MAP7: variants seen among roughly 807,000 people sequenced by gnomAD.
MAP7 encodes ensconsin.
MAP7 carries 52 observed loss-of-function variants against 94.8 expected under a neutral mutation model. The ratio of observed to expected loss-of-function variants is 0.55; its 90% CI spans 0.44 to 0.69. MAP7 has a LOEUF of 0.69. MAP7 is among the 30% of genes least tolerant of loss of function. The pLI is 0.00. For synonymous variants in MAP7, 350 were observed against 357.0 expected, an observed-to-expected ratio of 0.98 and a Z score of 0.22; for missense variants, 940 against 964.6, an observed-to-expected ratio of 0.97 and a Z score of 0.34.
At chr6:136,415,837 C>T (rs1235172115) in intron 2 of MAP7, among the ~76,000 whole-genome samples, 3 of 152,188 alleles carry the variant, frequency 2.0e-5, no homozygotes, top group Non-Finnish European at 4.4e-5. Context: ...GAAATAATTA[C>T]TATCTCTCTG....
intron 6 of MAP7, among the ~76,000 whole-genome samples, chr6:136,381,822 C>A (rs555636325): frequency 4.7e-5 from 7 of 149,902 alleles, no homozygotes; most frequent in African/African-American, 1.7e-4. Context: ...TATTGAACTT[C>A]CCTTAACGCT....
intron 1 of MAP7, among the ~76,000 whole-genome samples, chr6:136,455,724 A>AT (rs1802671624): frequency 6.6e-6 from 1 of 152,164 alleles, no homozygotes; most frequent in Admixed American, 6.5e-5. Context: ...CAACCAACAA[A>AT]TGGGTCTGAA....
chr6:136,375,590 T>C (rs1775870710), intron 7 of MAP7, among the ~76,000 whole-genome samples: 1 of 152,110 alleles, frequency 6.6e-6, no homozygotes, highest in Non-Finnish European at 1.5e-5. Context: ...GAAAATGTGG[T>C]TTTGACAAGA....
chr6:136,493,509 C>T (rs890341023), intron 1 of MAP7, among the ~76,000 whole-genome samples: 7 of 152,062 alleles, frequency 4.6e-5, no homozygotes, highest in African/African-American at 1.7e-4. Flanking sequence ...CCTGGACTTC[C>T]TGGGCTCAAG....
intron 1 of MAP7, among the ~76,000 whole-genome samples, chr6:136,528,512 T>C (rs1168353629): frequency 6.6e-6 from 1 of 152,048 alleles, no homozygotes; most frequent in Non-Finnish European, 1.5e-5. Flanking sequence ...AGGTCAGTAT[T>C]TACAATAGCA....
intron 1 of MAP7, among the ~76,000 whole-genome samples, chr6:136,460,505 GT>G (rs1187705555): frequency 1.1e-4 from 17 of 152,108 alleles, no homozygotes; most frequent in Non-Finnish European, 2.2e-4. Context: ...GCTGAAACTG[GT>G]TTATCTTCCT....
At chr6:136,509,307 A>T (rs1033477477) in intron 1 of MAP7, among the ~76,000 whole-genome samples, 2 of 152,198 alleles carry the variant, frequency 1.3e-5, no homozygotes, top group Admixed American at 6.5e-5. Flanking sequence ...GAAGTTCCTC[A>T]TTCTTCTCTT....
chr6:136,548,964 A>C (rs1224547095), intron 1 of MAP7, among the ~76,000 whole-genome samples: 1 of 152,216 alleles, frequency 6.6e-6, no homozygotes, highest in Non-Finnish European at 1.5e-5. Context: ...ACCCCAAAAC[A>C]AAATAATGAT....
At chr6:136,458,201 T>C (rs1803993497) in intron 1 of MAP7, among the ~76,000 whole-genome samples, 1 of 152,098 alleles carries the variant, frequency 6.6e-6, no homozygotes, top group Non-Finnish European at 1.5e-5. Context: ...AAAAATTACT[T>C]AGGAATAAAC....
chr6:136,477,417 T>C (rs1223725168), intron 1 of MAP7, among the ~76,000 whole-genome samples: 1 of 152,192 alleles, frequency 6.6e-6, no homozygotes, highest in African/African-American at 2.4e-5. Context: ...ATAATCTTGA[T>C]TTTCATTTGT....
intron 1 of MAP7, among the ~76,000 whole-genome samples, chr6:136,459,971 A>G (rs1016326948): frequency 6.6e-6 from 1 of 152,188 alleles, no homozygotes; most frequent in African/African-American, 2.4e-5. Context: ...AAAGTAATTT[A>G]GCAATATTTA....
intron 1 of MAP7, among the ~76,000 whole-genome samples, chr6:136,454,036 C>T (rs890493118): frequency 4.6e-5 from 7 of 152,054 alleles, no homozygotes; most frequent in Non-Finnish European, 1.0e-4. Context: ...GCCTCATCTC[C>T]ATATTTACAT....
chr6:136,452,455 G>A (rs1343922720), intron 1 of MAP7, among the ~76,000 whole-genome samples: 1 of 152,164 alleles, frequency 6.6e-6, no homozygotes. Flanking sequence ...AGAAATGAAA[G>A]GAAGAGTCTA....
chr6:136,436,522 G>T (rs1189680185), intron 1 of MAP7, among the ~76,000 whole-genome samples: 1 of 148,138 alleles, frequency 6.8e-6, no homozygotes, highest in Non-Finnish European at 1.5e-5. Context: ...TGGGACTACA[G>T]GAACATGCCA....
chr6:136,408,951 T>C (rs1233185364), intron 3 of MAP7, among the ~76,000 whole-genome samples: 1 of 152,068 alleles, frequency 6.6e-6, no homozygotes, highest in African/African-American at 2.4e-5. Flanking sequence ...TACAACTGTA[T>C]ATAATATATG....
chr6:136,497,271 A>G (rs1014756525), intron 1 of MAP7, among the ~76,000 whole-genome samples: 11 of 152,016 alleles, frequency 7.2e-5, no homozygotes, highest in Admixed American at 6.5e-4. Context: ...ATGAAAAGCT[A>G]CAGGCCTCCC....
At chr6:136,508,246 G>A (rs1172130572) in intron 1 of MAP7, among the ~76,000 whole-genome samples, 1 of 151,972 alleles carries the variant, frequency 6.6e-6, no homozygotes, top group Non-Finnish European at 1.5e-5. Flanking sequence ...GATCGCTTGA[G>A]CCTGGGGAAG....
At position 136,401,103 on chromosome 6, in the gene MAP7, C is replaced by T. The variant is rs888211509; in HGVS notation, c.244+10517G>A. 3.3e-5 allele frequency among the ~76,000 whole-genome samples: 5 copies of T among 152,318 alleles called. No homozygotes were observed. The East Asian group carries it at 7.7e-4, about 24-fold the overall frequency. On this transcript the variant is annotated intron_variant, in intron 3 of 17. Transcript: ENST00000354570. ...GTGGCTCACACCTGTAATCCTAACA[C>T]TTTGGGAGGCCAAGGTGGGAAGACT...
At chr6:136,390,325 C>T (rs1780345549) in intron 3 of MAP7, among the ~76,000 whole-genome samples, 2 of 152,170 alleles carry the variant, frequency 1.3e-5, no homozygotes, top group South Asian at 2.1e-4. Flanking sequence ...CTTGAGGACA[C>T]TACATGGCAT....
Sources: gnomAD v4.1 joint callset for allele counts (sites outside exome capture counted in the v4.1 genomes callset) on GRCh38, gnomAD v4.1.1 for gene constraint, MANE v1.5 for transcripts, NCBI Gene and HGNC (gene_info 2026-07-23, HGNC 2026-07-21) for gene names.